Variants in PPFIA2 observed in about 807,000 individuals in gnomAD.
PPFIA2 encodes liprin-alpha-2.
PPFIA2 carries 46 observed loss-of-function variants against 175.5 expected under a neutral mutation model. The observed-to-expected ratio is 0.26, with a 90% confidence interval of 0.21 to 0.34. The LOEUF (loss-of-function observed/expected upper bound fraction) is 0.34, where lower values mean the gene tolerates loss of function less well. Ranked by LOEUF, PPFIA2 falls within the 10% of genes least tolerant of loss-of-function variation. PPFIA2 has a pLI of 1.00. For missense variants in PPFIA2, 1,179 were observed against 1,506.1 expected (o/e 0.78, Z 3.60); for synonymous variants, 568 against 511.4 (o/e 1.11, Z -1.49).
At chr12:81,655,375 T>C (rs776947077) in intron 4 of PPFIA2, among the ~76,000 whole-genome samples, 1 of 151,650 alleles carries the variant, frequency 6.6e-6, no homozygotes, top group Non-Finnish European at 1.5e-5. Flanking sequence ...GGTTCTTAGA[T>C]TAAATGTTTA....
intron 3 of PPFIA2, among the ~76,000 whole-genome samples, chr12:81,743,228 C>T (rs1158306093): frequency 1.3e-5 from 2 of 150,846 alleles, no homozygotes; most frequent in Non-Finnish European, 3.0e-5. Flanking sequence ...ATCATCCTGG[C>T]TAACACAGTG....
intron 4 of PPFIA2, among the ~76,000 whole-genome samples, chr12:81,554,737 T>A (rs1306253890): frequency 6.6e-6 from 1 of 152,058 alleles, no homozygotes; most frequent in Non-Finnish European, 1.5e-5. Context: ...GGAACATAAT[T>A]CTTGATCTTA....
chr12:81,629,610 G>T (rs1269992027), intron 4 of PPFIA2, among the ~76,000 whole-genome samples: 1 of 152,094 alleles, frequency 6.6e-6, no homozygotes, highest in Admixed American at 6.6e-5. Flanking sequence ...ATAGAAACAA[G>T]GATGAAACGC....
intron 11 of PPFIA2, 100 bp from the exon 12 acceptor site, chr12:81,369,294 T>G: frequency 1.3e-6 from 2 of 1,534,838 alleles, no homozygotes; most frequent in Non-Finnish European, 1.8e-6. Flanking sequence ...TACTACCAAC[T>G]GCAAACATAG....
chr12:81,445,523 T>A, intron 6 of PPFIA2, 33 bp downstream of exon 6: 1 of 1,594,098 alleles, frequency 6.3e-7, no homozygotes, highest in Non-Finnish European at 8.6e-7. Context: ...GACAGAAGTG[T>A]AGTTAAGCTT....
At chr12:81,469,375 GAAGT>G (rs1387793600) in intron 4 of PPFIA2, among the ~76,000 whole-genome samples, 1 of 152,184 alleles carries the variant, frequency 6.6e-6, no homozygotes, top group Non-Finnish European at 1.5e-5. Flanking sequence ...ATCGTAAATA[GAAGT>G]AAGTGAACAA....
At chr12:81,487,941 T>C (rs560459725) in intron 4 of PPFIA2, among the ~76,000 whole-genome samples, 18 of 152,064 alleles carry the variant, frequency 1.2e-4, no homozygotes, top group African/African-American at 3.9e-4. Flanking sequence ...ATGTTTAACA[T>C]CTGCATTTCC....
chr12:81,582,166 T>C (rs552183516), intron 4 of PPFIA2, among the ~76,000 whole-genome samples: 84 of 151,958 alleles, frequency 5.5e-4, no homozygotes, highest in Non-Finnish European at 9.7e-4. Flanking sequence ...TGAAACATCT[T>C]GTTTACATTC....
At chr12:81,333,674 G>C (rs1050414360) in intron 21 of PPFIA2, among the ~76,000 whole-genome samples, 1 of 152,032 alleles carries the variant, frequency 6.6e-6, no homozygotes, top group African/African-American at 2.4e-5. Context: ...TTTAGAGTAG[G>C]AGAATTTAGA....
At chr12:81,331,721 A>G (rs974133664) in intron 21 of PPFIA2, among the ~76,000 whole-genome samples, 7 of 152,086 alleles carry the variant, frequency 4.6e-5, no homozygotes, top group Non-Finnish European at 8.8e-5. Flanking sequence ...TTCATAGTTA[A>G]CGTGCTTTTC....
At chr12:81,284,391 G>T in intron 24 of PPFIA2, 88 bp from the exon 25 acceptor site, 3 of 919,952 alleles carry the variant, frequency 3.3e-6, no homozygotes, top group Non-Finnish European at 5.2e-6. Flanking sequence ...TGAGTTAACA[G>T]CAACACAGCA....
chr12:81,720,070 G>C (rs925343341), intron 3 of PPFIA2, among the ~76,000 whole-genome samples: 1 of 151,268 alleles, frequency 6.6e-6, no homozygotes, highest in Admixed American at 6.6e-5. Context: ...TTTAAACATA[G>C]TCTGGCATTC....
At chr12:81,383,602 A>T (rs2038266294) in intron 9 of PPFIA2, among the ~76,000 whole-genome samples, 1 of 152,164 alleles carries the variant, frequency 6.6e-6, no homozygotes, top group East Asian at 1.9e-4. Context: ...GTATATGTAT[A>T]TTAACAGAGA....
intron 7 of PPFIA2, among the ~76,000 whole-genome samples, chr12:81,427,415 G>A (rs139313013): frequency 3.1e-4 from 47 of 152,030 alleles, no homozygotes; most frequent in African/African-American, 6.5e-4. Flanking sequence ...GTGTGGGTTC[G>A]GGGTATTGTT....
chr12:81,449,469 T>C (rs1593161665), intron 5 of PPFIA2, among the ~76,000 whole-genome samples: 2 of 147,184 alleles, frequency 1.4e-5, no homozygotes, highest in Non-Finnish European at 3.0e-5. Flanking sequence ...CATGTTATGA[T>C]ATACAACATT....
chr12:81,519,745 A>G (rs2062883195), intron 4 of PPFIA2, among the ~76,000 whole-genome samples: 1 of 152,230 alleles, frequency 6.6e-6, no homozygotes, highest in Admixed American at 6.5e-5. Flanking sequence ...TTCAGAACTT[A>G]TAATAACGAA....
At chr12:81,593,904 G>A (rs1239912207) in intron 4 of PPFIA2, among the ~76,000 whole-genome samples, 3 of 152,168 alleles carry the variant, frequency 2.0e-5, no homozygotes, top group African/African-American at 7.2e-5. Flanking sequence ...TCCATGGCCT[G>A]TTAGGAACTA....
chr12:81,706,251 C>A (rs1307011591), intron 3 of PPFIA2, among the ~76,000 whole-genome samples: 1 of 152,172 alleles, frequency 6.6e-6, no homozygotes, highest in African/African-American at 2.4e-5. Context: ...AAAAGTTTAA[C>A]ACTATGTACT....
intron 7 of PPFIA2, among the ~76,000 whole-genome samples, chr12:81,414,878 G>A (rs1407350933): frequency 6.6e-6 from 1 of 151,092 alleles, no homozygotes. Context: ...AACCATAAAG[G>A]TTGAAACACT....
Sources: allele counts gnomAD v4.1 joint callset (sites outside exome capture counted in the v4.1 genomes callset), GRCh38; gene constraint gnomAD v4.1.1; transcripts MANE v1.5; gene names NCBI Gene and HGNC (gene_info 2026-07-23, HGNC 2026-07-21).